CCNJL: variants seen among roughly 807,000 people sequenced by gnomAD.
CCNJL encodes the protein cyclin-J-like protein.
A neutral mutation model predicts 33.4 loss-of-function variants in CCNJL; 33 were observed. That is an observed-to-expected ratio of 0.99 (90% CI 0.75 to 1.32). CCNJL has a LOEUF of 1.32. CCNJL is among the 40% of genes most tolerant of loss of function. CCNJL has a pLI of 0.00. For synonymous variants in CCNJL, 227 were observed against 220.9 expected (o/e 1.03, Z -0.24); for missense variants, 512 against 499.7 (o/e 1.02, Z -0.23).
chr5:160,267,292 G>C (rs569174113), intron 3 of CCNJL, among the ~76,000 whole-genome samples: 3 of 152,094 alleles, frequency 2.0e-5, no homozygotes, highest in African/African-American at 4.8e-5. Context: ...TTCTGGCAAC[G>C]ACCCTGGGAG....
intron 1 of CCNJL, among the ~76,000 whole-genome samples, chr5:160,337,003 C>CTTTTTTTTTTTTTTTTT (rs35461944): frequency 6.3e-5 from 6 of 95,072 alleles, no homozygotes; most frequent in South Asian, 4.1e-4. Context: ...CTTTTTCTTT[C>CTTTTTTTTTTTTTTTTT]TTTTTTTTTT....
chr5:160,329,354 T>C (rs1336588575), intron 1 of CCNJL, among the ~76,000 whole-genome samples: 2 of 149,932 alleles, frequency 1.3e-5, no homozygotes, highest in East Asian at 1.9e-4. Context: ...AGTCTTCTTT[T>C]TTTTTTTTTT....
intron 3 of CCNJL, among the ~76,000 whole-genome samples, chr5:160,267,840 G>T (rs2113287536): frequency 1.3e-5 from 2 of 152,300 alleles, no homozygotes; most frequent in Admixed American, 1.3e-4. Flanking sequence ...GGGATTACAG[G>T]CATGCACCAC....
In CCNJL at chr5:160,255,583, C is replaced by G; in HGVS notation, c.709G>C (p.Glu237Gln). 3 of 1,614,162 alleles carry G rather than the reference C, an allele frequency of 1.9e-6. No homozygotes were observed. The highest frequency in any genetic ancestry group is 2.5e-6 in the Non-Finnish European group (3 of 1,180,002). ...DLQRISSYSLEHLSTCIEILL... is the reference protein window; with the variant it reads ...DLQRISSYSLQHLSTCIEILL... ...ATTTCAATACACGTGCTGAGGTGCT[C>G]CAGGGAATAGCTTGAGATCCTCTGC... Residue 237 changes from glutamate to glutamine, a missense_variant, in exon 5 of 6, where the codon GAG becomes CAG. Physicochemically the swap from Glu to Gln is conservative, Grantham distance 29. Coordinates refer to ENST00000257536, the MANE Select transcript of CCNJL (RefSeq NM_001308173.3).
At chr5:160,254,559 C>T (rs1760969315) in intron 5 of CCNJL, 2 of 432,462 alleles carry the variant, frequency 4.6e-6, no homozygotes, top group Non-Finnish European at 8.1e-6. Flanking sequence ...TCGGGGAGGG[C>T]TCTCTTCAGG....
In CCNJL at chr5:160,253,578, G is replaced by C. The variant is rs765219491; in HGVS notation, c.964C>G (p.Leu322Val). ...SLQAHRSGSL[L>V]SGSTGSSLHT... is the part of the protein sequence containing the mutation. ...AGGGATGAGCCTGTACTCCCCGAGA[G>C]CAGGCTCCCTGAACGGTGGGCCTGC... Residue 322 changes from leucine (L) to valine (V), a missense_variant, in exon 6 of 6, where the codon CTC (leucine) becomes GTC (valine). By Grantham distance (32) the Leu-to-Val change is conservative. Transcript: ENST00000257536. 6.2e-7 allele frequency: 1 copy of C among 1,614,116 alleles called. No individual in the cohort carries two copies. The highest frequency in any genetic ancestry group is 8.5e-7 in the Non-Finnish European group (1 of 1,179,990).
chr5:160,310,370 C>T (rs1000487410), intron 2 of CCNJL, among the ~76,000 whole-genome samples: 3 of 152,192 alleles, frequency 2.0e-5, no homozygotes, highest in Non-Finnish European at 2.9e-5. Context: ...AAAGCCACAG[C>T]CTTGCCAAGC....
chr5:160,283,008 TAC>T lies in CCNJL; in HGVS notation c.67-2272_67-2271del, dbSNP rs1489146521. On this transcript the variant is annotated intron_variant, in intron 2 of 5. Transcript: ENST00000257536. ...ATATATATATATATATATATATATATACATATATATATATATATACCTAAGAG... is the reference window on the plus strand; with the variant it reads ...ATATATATATATATATATATATATATATATATATATATATATACCTAAGAG... Among the ~76,000 whole-genome samples, 141 of 52,630 alleles carry T rather than the reference TAC, an allele frequency of 2.7e-3. 3 individuals are homozygous for T. The highest frequency in any genetic ancestry group is 6.6e-3 in the African/African-American group (78 of 11,790). The allele number at this position is 52,630 out of a possible 152,430, so 34.5% of individuals were successfully genotyped here.
intron 2 of CCNJL, among the ~76,000 whole-genome samples, chr5:160,310,009 CT>C (rs1487091020): frequency 6.6e-6 from 1 of 152,170 alleles, no homozygotes; most frequent in African/African-American, 2.4e-5. Flanking sequence ...GACATCCTCC[CT>C]TATGTATAAA....
chr5:160,308,527 G>A (rs1763163674), intron 2 of CCNJL, among the ~76,000 whole-genome samples: 1 of 152,242 alleles, frequency 6.6e-6, no homozygotes, highest in African/African-American at 2.4e-5. Context: ...GGAGGCCGAG[G>A]CTGACGGATA....
At chr5:160,303,967 G>A (rs2113435991) in intron 2 of CCNJL, among the ~76,000 whole-genome samples, 1 of 152,282 alleles carries the variant, frequency 6.6e-6, no homozygotes, top group South Asian at 2.1e-4. Context: ...CAACCAGGGT[G>A]CCCAGCCAAG....
intron 4 of CCNJL, among the ~76,000 whole-genome samples, chr5:160,256,554 A>T (rs1310246788): frequency 6.6e-6 from 1 of 152,204 alleles, no homozygotes; most frequent in Non-Finnish European, 1.5e-5. Flanking sequence ...ATATGTGCAA[A>T]CAGTTGAAAT....
intron 1 of CCNJL, among the ~76,000 whole-genome samples, chr5:160,333,209 G>A (rs960982245): frequency 3.3e-5 from 5 of 150,992 alleles, no homozygotes; most frequent in Non-Finnish European, 7.4e-5. Context: ...TGCAAGCTCC[G>A]CCTCCCAGGT....
At chr5:160,265,617 A>T (rs12655174) in intron 3 of CCNJL, among the ~76,000 whole-genome samples, 1 of 151,760 alleles carries the variant, frequency 6.6e-6, no homozygotes, top group South Asian at 2.1e-4. Context: ...CCTGGGCAAC[A>T]GAGTGAGACT....
intron 2 of CCNJL, among the ~76,000 whole-genome samples, chr5:160,305,383 C>T (rs1406458710): frequency 6.6e-6 from 1 of 152,192 alleles, no homozygotes; most frequent in African/African-American, 2.4e-5. Context: ...TAGGGACAGG[C>T]AATGGCAGAG....
At chr5:160,299,758 T>C (rs965859125) in intron 2 of CCNJL, among the ~76,000 whole-genome samples, 1 of 152,192 alleles carries the variant, frequency 6.6e-6, no homozygotes. Context: ...GTGTTATCTT[T>C]TTAAATTTCC....
In CCNJL at chr5:160,311,308, C is replaced by A. The variant is rs898963823; in HGVS notation, c.66+550G>T. Among the ~76,000 whole-genome samples the A allele has an allele frequency of 2.0e-5, 3 of 152,104 alleles. No individual in the cohort carries two copies. The East Asian group carries it at 5.8e-4, about 29-fold the overall frequency. On this transcript the variant is annotated intron_variant, in intron 2 of 5. Transcript: ENST00000257536. ...ATACAGGTGTTCCTTAAATTTCATT[C>A]GGTCCCATTCTAGATATACACATAG...
At chr5:160,255,386 C>T in intron 5 of CCNJL, 163 bp downstream of exon 5, 2 of 574,442 alleles carry the variant, frequency 3.5e-6, no homozygotes, top group Non-Finnish European at 6.3e-6. Context: ...CTCGAAACCC[C>T]ACTTCTACCA....
At chr5:160,320,833 CTTTCTTTCTTTCT>C (rs1763436988) in intron 1 of CCNJL, among the ~76,000 whole-genome samples, 7 of 119,492 alleles carry the variant, frequency 5.9e-5, no homozygotes, top group East Asian at 4.8e-4. Context: ...TTCTTTCTTT[CTTTCTTTCTTTCT>C]TTCCTTCTTT....
Sources: allele counts gnomAD v4.1 joint callset (sites outside exome capture counted in the v4.1 genomes callset), GRCh38; gene constraint gnomAD v4.1.1; transcripts MANE v1.5; gene names NCBI Gene and HGNC (gene_info 2026-07-23, HGNC 2026-07-21).